LCN1: variants seen among roughly 807,000 people sequenced by gnomAD.
LCN1 encodes the protein lipocalin 1.
A neutral mutation model predicts 22.3 loss-of-function variants in LCN1; 25 were observed. The ratio of observed to expected loss-of-function variants is 1.12; its 90% CI spans 0.82 to 1.56. The LOEUF is 1.56. Among genes scored for constraint, LCN1 ranks in the 40% most tolerant of loss-of-function variants. The pLI, the probability that LCN1 is intolerant of heterozygous loss-of-function variation, is 0.00. For missense variants in LCN1, 219 were observed against 235.6 expected, an observed-to-expected ratio of 0.93 and a Z score of 0.46; for synonymous variants, 85 against 97.6, an observed-to-expected ratio of 0.87 and a Z score of 0.76.
Position 135,524,860 on chromosome 9 carries a change from T to C in LCN1, c.434T>C (p.Leu145Ser). 6.2e-7 allele frequency: 1 copy of C among 1,607,894 alleles called. No individual in the cohort carries two copies. The highest frequency in any genetic ancestry group is 1.1e-5 in the South Asian group (1 of 89,920). Residue 145 changes from leucine to serine, a missense_variant, in exon 5 of 7, where the codon TTG becomes TCG. Physicochemically the swap from Leu to Ser is moderately radical, Grantham distance 145. Coordinates refer to ENST00000371781, the MANE Select transcript of LCN1 (RefSeq NM_002297.4). ...GRDPKNNLEA[L>S]EDFEKAAGAR... ...GACCCCAAGAACAACCTGGAAGCCT[T>C]GGAGGACTTTGAGAAAGCCGCAGGA... is the stretch of plus-strand genomic sequence containing the variant.
chr9:135,524,955 C>T (rs747633235), intron 5 of LCN1, 24 bp downstream of exon 5: 1 of 1,586,518 alleles, frequency 6.3e-7, no homozygotes, highest in Non-Finnish European at 8.6e-7. Flanking sequence ...CCCTGCAGAG[C>T]CCCCCATGTC....
chr9:135,521,924 AG>A, intron 1 of LCN1, 122 bp from the exon 2 acceptor site: 1 of 1,445,476 alleles, frequency 6.9e-7, no homozygotes, highest in Non-Finnish European at 9.3e-7. Flanking sequence ...TGGGTGGGTT[AG>A]ATTGGGGAAC....
chr9:135,522,585 C>T (rs1831527303), intron 2 of LCN1, among the ~76,000 whole-genome samples: 1 of 152,184 alleles, frequency 6.6e-6, no homozygotes, highest in South Asian at 2.1e-4. Flanking sequence ...GAGAAGACAC[C>T]ATGGAGAAGA....
rs146328087 is a variant in LCN1, at chr9:135,523,918, G to A, written c.331G>A (p.Val111Met). Residue 111 changes from valine to methionine, a missense_variant, in exon 4 of 7, where the codon GTG (valine) becomes ATG (methionine). By Grantham distance (21) the Val-to-Met change is conservative (BLOSUM62 1). Transcript: ENST00000371781. Reference sequence around the variant, plus strand: ...CGTGGCATACATCATCAGGTCGCACGTGAAGGACCACTACATCTTTTACTG... The same window carrying A: ...CGTGGCATACATCATCAGGTCGCACATGAAGGACCACTACATCTTTTACTG... The part of the protein sequence containing the change: ...KHVAYIIRSH[V>M]KDHYIFYCEG... 87 of 1,614,136 alleles carry A rather than the reference G, an allele frequency of 5.4e-5. 1 individual carries two copies. The highest frequency in any genetic ancestry group is 4.9e-4 in the Middle Eastern group (3 of 6,062).
chr9:135,522,351 G>A (rs1395058373), intron 2 of LCN1, among the ~76,000 whole-genome samples, 174 bp downstream of exon 2: 1 of 152,176 alleles, frequency 6.6e-6, no homozygotes, highest in South Asian at 2.1e-4. Flanking sequence ...CGGCTGGAGG[G>A]GCCCTGAGGG....
intron 1 of LCN1, 71 bp from the exon 2 acceptor site, chr9:135,521,976 G>A: frequency 6.4e-7 from 1 of 1,560,104 alleles, no homozygotes; most frequent in Non-Finnish European, 8.7e-7. Context: ...AGAGTCTAGG[G>A]GCTGCAGGCC....
intron 6 of LCN1, among the ~76,000 whole-genome samples, 176 bp from the exon 7 acceptor site, chr9:135,526,168 C>T (rs1361901983): frequency 8.6e-6 from 1 of 116,096 alleles, no homozygotes; most frequent in African/African-American, 3.4e-5. Context: ...CGAGAGCCTG[C>T]ATGTGCCCTC....
In LCN1 at chr9:135,521,553, A is replaced by C. The variant is rs1254238896; in HGVS notation, c.56A>C (p.His19Pro). The stretch of plus-strand genomic sequence containing the variant: ...GGCCTCATTGCTGCCCTGCAGGCCC[A>C]CCACCTCCTGGCCTCAGACGAGGAG... ...SLGLIAALQA[H>P]HLLASDEEIQ... The change falls in exon 1 of 7, where the codon CAC (histidine) becomes CCC (proline). Residue 19 changes from histidine to proline, a missense_variant. Physicochemically the swap from His to Pro is moderately conservative, Grantham distance 77. Transcript: ENST00000371781. 1 of 1,613,544 alleles carries C rather than the reference A, an allele frequency of 6.2e-7. No homozygotes were observed. The highest frequency in any genetic ancestry group is 8.5e-7 in the Non-Finnish European group (1 of 1,179,946).
At chr9:135,523,437 C>G (rs1373597043) in intron 3 of LCN1, 135 bp downstream of exon 3, 1 of 717,612 alleles carries the variant, frequency 1.4e-6, no homozygotes, top group Non-Finnish European at 2.3e-6. Context: ...AAAGCCCACT[C>G]TCTTCTCCCA....
At position 135,524,849 on chromosome 9, in the gene LCN1, C is replaced by T. The variant is rs777558840; in HGVS notation, c.423C>T (p.Asn141=). The T allele has an allele frequency of 2.5e-6, 4 of 1,606,434 alleles. No homozygotes were observed. The highest frequency in any genetic ancestry group is 2.2e-5 in the South Asian group (2 of 89,624). The change falls in exon 5 of 7, where the codon AAC becomes AAT. Residue 141 remains asparagine (N), a synonymous_variant. Transcript: ENST00000371781. ...CCACAGGCAGAGACCCCAAGAACAA[C>T]CTGGAAGCCTTGGAGGACTTTGAGA... is the stretch of plus-strand genomic sequence containing the variant. ...VKLVGRDPKN[N]LEALEDFEKA... is the part of the protein sequence containing the mutation.
chr9:135,523,906 A>C lies in LCN1; in HGVS notation c.319A>C (p.Ile107Leu). Residue 107 changes from isoleucine (I) to leucine (L), a missense_variant, in exon 4 of 7, where the codon ATC (isoleucine) becomes CTC (leucine). Coordinates refer to ENST00000371781, the MANE Select transcript of LCN1 (RefSeq NM_002297.4). Reference protein sequence around the residue: ...ADGGKHVAYIIRSHVKDHYIF... With the variant: ...ADGGKHVAYILRSHVKDHYIF... Reference sequence around the variant, plus strand: ...CGGGGGCAAGCACGTGGCATACATCATCAGGTCGCACGTGAAGGACCACTA... The same window carrying C: ...CGGGGGCAAGCACGTGGCATACATCCTCAGGTCGCACGTGAAGGACCACTA... 6.2e-7 allele frequency: 1 copy of C among 1,614,040 alleles called. No homozygotes were observed.
In LCN1 at chr9:135,522,565, G is replaced by A. The variant is rs190808813; in HGVS notation, c.221+388G>A. ...GATGGGGCTTGCAGAATGACCAAGAGGGGGCATAGGAGAAGACACCATGGA... is the reference window on the plus strand; with the variant it reads ...GATGGGGCTTGCAGAATGACCAAGAAGGGGCATAGGAGAAGACACCATGGA... On this transcript the variant is annotated intron_variant, in intron 2 of 6. Coordinates refer to ENST00000371781, the MANE Select transcript of LCN1 (RefSeq NM_002297.4). Among the ~76,000 whole-genome samples, 5 of 152,242 alleles carry A rather than the reference G, an allele frequency of 3.3e-5. No homozygotes were observed. The East Asian group carries it at 7.7e-4, about 23-fold the overall frequency.
At chr9:135,522,534 T>C (rs576002655) in intron 2 of LCN1, among the ~76,000 whole-genome samples, 28 of 152,296 alleles carry the variant, frequency 1.8e-4, no homozygotes, top group African/African-American at 6.3e-4. Flanking sequence ...TTTGGAGAAG[T>C]GCAGGGATGG....
At position 135,523,286 on chromosome 9, in the gene LCN1, G is replaced by A. The variant is rs372487263; in HGVS notation, c.276G>A (p.Pro92=). The change falls in exon 3 of 7, where the codon CCG becomes CCA. Residue 92 remains proline (P), a synonymous_variant. Transcript: ENST00000371781. ...VKAVLEKTDE[P]GKYTADGGKH... ...CCGTCCTGGAGAAAACTGACGAGCCGGGAAAATACACGGCCGGTGAGTCCC... is the reference window on the plus strand; with the variant it reads ...CCGTCCTGGAGAAAACTGACGAGCCAGGAAAATACACGGCCGGTGAGTCCC... The A allele has an allele frequency of 1.4e-5, 22 of 1,612,968 alleles. No homozygotes were observed. Among genetic ancestry groups the A allele is most frequent in the Middle Eastern group, 1.8e-4 (1 of 5,684 alleles).
intron 2 of LCN1, among the ~76,000 whole-genome samples, chr9:135,522,658 C>T (rs1831529307): frequency 6.6e-6 from 1 of 152,216 alleles, no homozygotes; most frequent in Non-Finnish European, 1.5e-5. Flanking sequence ...CTTCCACCCG[C>T]GTGGCTCACA....
intron 3 of LCN1, 51 bp from the exon 4 acceptor site, chr9:135,523,829 C>A: frequency 6.6e-7 from 1 of 1,510,394 alleles, no homozygotes; most frequent in Non-Finnish European, 9.2e-7. Flanking sequence ...CCGGGATCCT[C>A]TCTGAAGTCC....
intron 6 of LCN1, among the ~76,000 whole-genome samples, chr9:135,525,477 C>T (rs938339597): frequency 6.6e-6 from 1 of 152,174 alleles, no homozygotes; most frequent in Non-Finnish European, 1.5e-5. Flanking sequence ...TCCTCCTCAG[C>T]ACCCCTCACC....
At chr9:135,525,569 G>A (rs544078262) in intron 6 of LCN1, among the ~76,000 whole-genome samples, 45 of 152,234 alleles carry the variant, frequency 3.0e-4, no homozygotes, top group African/African-American at 1.1e-3. Flanking sequence ...TGCTCGCTGT[G>A]TCAGATGGGC....
At position 135,522,153 on chromosome 9, in the gene LCN1, A is replaced by G. The variant is rs373844915; in HGVS notation, c.197A>G (p.Asn66Ser). The change falls in exon 2 of 7, where the codon AAC becomes AGC. Residue 66 changes from asparagine to serine, a missense_variant. Asn to Ser is a conservative substitution (Grantham distance 46). Coordinates refer to ENST00000371781, the MANE Select transcript of LCN1 (RefSeq NM_002297.4). Reference sequence around the variant, plus strand: ...ACCCTCACGACCCTGGAAGGGGGCAACCTGGAAGCCAAGGTCACCATGCTG... The same window carrying G: ...ACCCTCACGACCCTGGAAGGGGGCAGCCTGGAAGCCAAGGTCACCATGCTG... ...PMTLTTLEGG[N>S]LEAKVTMLIS... 3.9e-4 allele frequency: 631 copies of G among 1,604,900 alleles called. 4 individuals carry two copies. The South Asian group carries it at 6.5e-3, about 16-fold the overall frequency.
Sources: gnomAD v4.1 joint callset for allele counts (sites outside exome capture counted in the v4.1 genomes callset) on GRCh38, gnomAD v4.1.1 for gene constraint, MANE v1.5 for transcripts, NCBI Gene and HGNC (gene_info 2026-07-23, HGNC 2026-07-21) for gene names.